The following GYS2 variants were observed in gnomAD, a reference collection of about 807,000 sequenced individuals.
GYS2 encodes glycogen synthase 2.
A neutral mutation model predicts 85.6 loss-of-function variants in GYS2; 80 were observed. The observed-to-expected ratio is 0.93, with a 90% CI of 0.78 to 1.13. The LOEUF is 1.13. Among genes scored for constraint, GYS2 ranks in the 50% most tolerant of loss-of-function variants. The pLI is 0.00. For missense variants in GYS2, 881 were observed against 854.9 expected (o/e 1.03, Z -0.38); for synonymous variants, 328 against 300.7 (o/e 1.09, Z -0.94).
At position 21,542,479 on chromosome 12, in the gene GYS2, A is replaced by C; in HGVS notation, c.1645+17T>G. ...GGTCATGTCTCCCCAGCATGGGTTA[A>C]TGATGAAAACCCTCACCGTAAGCAG... On this transcript the variant is annotated intron_variant, in intron 13 of 15. Transcript: ENST00000261195. 6.5e-7 allele frequency: 1 copy of C among 1,537,550 alleles called. No homozygotes were observed. The highest frequency in any genetic ancestry group is 1.4e-5 in the African/African-American group (1 of 73,576).
intron 1 of GYS2, among the ~76,000 whole-genome samples, chr12:21,592,009 G>A (rs1944644791): frequency 6.6e-6 from 1 of 152,032 alleles, no homozygotes; most frequent in Non-Finnish European, 1.5e-5. Context: ...ACACATGAAA[G>A]TGACAGGACA....
intron 7 of GYS2, 51 bp downstream of exon 7, chr12:21,562,867 A>T (rs1473421): frequency 6.2e-7 from 1 of 1,604,358 alleles, no homozygotes. Context: ...CTTCCCACAG[A>T]AGAAAGTTCT....
intron 11 of GYS2, among the ~76,000 whole-genome samples, chr12:21,555,606 T>C (rs976113414): frequency 2.6e-5 from 4 of 152,102 alleles, no homozygotes; most frequent in Non-Finnish European, 4.4e-5. Flanking sequence ...GATCTTCAGG[T>C]AAGGGACTGA....
chr12:21,600,766 CA>C (rs1944747920), intron 1 of GYS2, among the ~76,000 whole-genome samples: 1 of 152,100 alleles, frequency 6.6e-6, no homozygotes, highest in Non-Finnish European at 1.5e-5. Flanking sequence ...TCACTTATAT[CA>C]AAGTCCTCAC....
chr12:21,538,515 A>G (rs1007076917), intron 15 of GYS2, among the ~76,000 whole-genome samples: 2 of 152,216 alleles, frequency 1.3e-5, no homozygotes, highest in African/African-American at 4.8e-5. Context: ...GGAGATTTAC[A>G]TGAGATAGAG....
At chr12:21,565,390 A>AAT (rs55790137) in intron 5 of GYS2, among the ~76,000 whole-genome samples, 2,449 of 73,162 alleles carry the variant, frequency 0.033, 86 homozygotes, top group Middle Eastern at 0.05. Flanking sequence ...CCATCCATGA[A>AAT]ATATATATAT....
Position 21,557,338 on chromosome 12 carries a change from C to A in GYS2, c.1422+862G>T, listed in dbSNP as rs187464283. On this transcript the variant is annotated intron_variant, in intron 11 of 15. Coordinates refer to ENST00000261195, the MANE Select transcript of GYS2 (RefSeq NM_021957.4). ...CAGTAAACATCATATAGTTTAAGGTCCACAGTGGAAGAAACCAGCTCTTAT... is the reference window on the plus strand; with the variant it reads ...CAGTAAACATCATATAGTTTAAGGTACACAGTGGAAGAAACCAGCTCTTAT... Among the ~76,000 whole-genome samples the A allele has an allele frequency of 3.3e-5, 5 of 152,202 alleles. No individual in the cohort carries two copies. In the East Asian group the frequency reaches 9.7e-4, roughly 29 times the overall value.
rs3832848 is a variant in GYS2, at chr12:21,541,268, CAAA to C, written c.1646-698_1646-696del. 8.6e-5 allele frequency among the ~76,000 whole-genome samples: 4 copies of C among 46,330 alleles called. No homozygotes were observed. The Admixed American group carries it at 1.3e-3, about 15-fold the overall frequency. The allele number at this position is 46,330 out of a possible 152,430, so 30.4% of individuals were successfully genotyped here. A position where few individuals can be genotyped will look rare whatever the true frequency, so the allele number is the denominator to read the frequency against. ...GGGCAACAGAGTGAGACCATGTTTC[CAAA>C]AAAAAAAAAAAAAAAAAAAACAAAA... On this transcript the variant is annotated intron_variant, in intron 13 of 15. Coordinates refer to ENST00000261195, the MANE Select transcript of GYS2 (RefSeq NM_021957.4).
In GYS2 at chr12:21,597,584, G is replaced by A. The variant is rs567857311; in HGVS notation, c.121+6888C>T. Among the ~76,000 whole-genome samples, 10 of 152,124 alleles carry A rather than the reference G, an allele frequency of 6.6e-5. No homozygotes were observed. The East Asian group carries it at 7.7e-4, about 12-fold the overall frequency. On this transcript the variant is annotated intron_variant, in intron 1 of 15. Coordinates refer to ENST00000261195, the MANE Select transcript of GYS2 (RefSeq NM_021957.4). ...CAAGGATGTGAAGGAAAAGGCACTCGTAGGCACTATTGGTAAGCATGCAAA... is the reference window on the plus strand; with the variant it reads ...CAAGGATGTGAAGGAAAAGGCACTCATAGGCACTATTGGTAAGCATGCAAA...
At chr12:21,555,687 C>G (rs1330657818) in intron 11 of GYS2, among the ~76,000 whole-genome samples, 2 of 152,248 alleles carry the variant, frequency 1.3e-5, no homozygotes, top group Middle Eastern at 3.4e-3. Context: ...CTTCTTTATC[C>G]TTTCCTAATT....
Position 21,574,308 on chromosome 12 carries a change from C to T in GYS2, c.514G>A (p.Gly172Ser), listed in dbSNP as rs751602259. The T allele has an allele frequency of 1.8e-5, 29 of 1,613,210 alleles. No individual in the cohort carries two copies. The highest frequency in any genetic ancestry group is 2.4e-5 in the Non-Finnish European group (28 of 1,179,412). ...TGGAATTGGGCAACGACATATTTACCATCTGCATGATCTGTCACCTACATT... is the reference window on the plus strand; with the variant it reads ...TGGAATTGGGCAACGACATATTTACTATCTGCATGATCTGTCACCTACATT... ...FLKEVTDHAD[G>S]KYVVAQFHEW... Residue 172 changes from glycine (G) to serine (S), a missense_variant, in exon 4 of 16, where the codon GGT becomes AGT. Coordinates refer to ENST00000261195, the MANE Select transcript of GYS2 (RefSeq NM_021957.4).
intron 11 of GYS2, among the ~76,000 whole-genome samples, chr12:21,551,004 T>A (rs1591783755): frequency 7.2e-5 from 1 of 13,930 alleles, no homozygotes; most frequent in East Asian, 0.083. Flanking sequence ...CACTTTTCTT[T>A]TTTTTTTAAT....
rs71452232 is a variant in GYS2 at position 21,551,001 on chromosome 12, CT to C, written c.1423-4532del. Among the ~76,000 whole-genome samples, 156 of 142,790 alleles carry C rather than the reference CT, an allele frequency of 1.1e-3. 4 individuals carry two copies. The highest frequency in any genetic ancestry group is 4.0e-3 in the African/African-American group (145 of 36,340). 93.7% of individuals were successfully genotyped at this position (142,790 alleles called of 152,430 possible). On this transcript the variant is annotated intron_variant, in intron 11 of 15. Transcript: ENST00000261195. ...TTTTACACAAGCACTCTACACTTTT[CT>C]TTTTTTTTTAATTTTTTTTTATTAT...
intron 11 of GYS2, among the ~76,000 whole-genome samples, chr12:21,550,342 CACACACA>C (rs751200015): frequency 2.7e-4 from 41 of 150,252 alleles, no homozygotes; most frequent in Middle Eastern, 3.5e-3. Flanking sequence ...CACACACACA[CACACACA>C]CACCCCTGGT....
intron 4 of GYS2, 37 bp from the exon 5 acceptor site, chr12:21,569,046 A>G (rs1944356486): frequency 6.2e-7 from 1 of 1,609,030 alleles, no homozygotes; most frequent in African/African-American, 1.3e-5. Context: ...ATTTGCTAAC[A>G]ATGGCCCTTC....
In GYS2 at chr12:21,536,812, C is replaced by T; in HGVS notation, c.*142G>A. On this transcript the variant is annotated 3_prime_UTR_variant, in exon 16 of 16. Transcript: ENST00000261195. Reference sequence around the variant, plus strand: ...CTAAATTACAAAATTGTCATTCACTCAATTTCTTCCACTTTTTAGGCAGAG... The same window carrying T: ...CTAAATTACAAAATTGTCATTCACTTAATTTCTTCCACTTTTTAGGCAGAG... The T allele has an allele frequency of 1.5e-6, 1 of 664,574 alleles. No individual in the cohort carries two copies. The highest frequency in any genetic ancestry group is 2.6e-6 in the Non-Finnish European group (1 of 377,492). The allele number at this position is 664,574 out of a possible 1,614,324, so 41.2% of individuals were successfully genotyped here.
intron 1 of GYS2, among the ~76,000 whole-genome samples, chr12:21,593,301 A>AAAC (rs147820115): frequency 0.89 from 134,093 of 151,094 alleles, 60,090 homozygotes; most frequent in East Asian, 0.99. Context: ...AAATAGAGAA[A>AAAC]AACAACAACA....
At chr12:21,589,429 C>G (rs1944609946) in intron 1 of GYS2, among the ~76,000 whole-genome samples, 1 of 152,118 alleles carries the variant, frequency 6.6e-6, no homozygotes, top group Non-Finnish European at 1.5e-5. Context: ...AAACATAAAG[C>G]TTAAAAAATT....
chr12:21,601,520 T>A (rs546369491), intron 1 of GYS2, among the ~76,000 whole-genome samples: 3 of 152,268 alleles, frequency 2.0e-5, no homozygotes, highest in African/African-American at 7.2e-5. Context: ...TTGGCATATA[T>A]AGTTCTCTCA....
Sources: allele counts gnomAD v4.1 joint callset (sites outside exome capture counted in the v4.1 genomes callset), GRCh38; gene constraint gnomAD v4.1.1; transcripts MANE v1.5; gene names NCBI Gene and HGNC (gene_info 2026-07-23, HGNC 2026-07-21).